Variants in VPS13B observed in about 807,000 individuals in gnomAD.
VPS13B encodes intermembrane lipid transfer protein VPS13B.
Under a neutral mutation model 426.4 loss-of-function variants are expected in VPS13B, and 285 were observed. That is an observed-to-expected ratio of 0.67 (90% CI 0.61 to 0.74). The LOEUF (loss-of-function observed/expected upper bound fraction) is 0.74, where lower values mean the gene tolerates loss of function less well. Among genes scored for constraint, VPS13B ranks in the 30% least tolerant of loss-of-function variants. The pLI, the probability that VPS13B is intolerant of heterozygous loss-of-function variation, is 0.00. For synonymous variants in VPS13B, 1,676 were observed against 1,676.4 expected (o/e 1.00, Z 0.01); for missense variants, 4,537 against 4,782.6 (o/e 0.95, Z 1.51).
chr8:99,322,677 A>C (rs1448459814), intron 19 of VPS13B, among the ~76,000 whole-genome samples: 2 of 152,228 alleles, frequency 1.3e-5, no homozygotes, highest in Non-Finnish European at 2.9e-5. Flanking sequence ...GGGAAGTATA[A>C]ACATGCAAAG....
intron 15 of VPS13B, among the ~76,000 whole-genome samples, chr8:99,164,305 T>C (rs180738131): frequency 6.6e-6 from 1 of 152,326 alleles, no homozygotes; most frequent in Admixed American, 6.5e-5. Flanking sequence ...GAAGCCATGT[T>C]GCCCAACTCC....
intron 17 of VPS13B, chr8:99,233,218 A>T (rs367840216): frequency 3.8e-6 from 5 of 1,306,084 alleles, no homozygotes; most frequent in South Asian, 3.5e-5. Context: ...ACGAGGCACA[A>T]TGATTTCTGC....
chr8:99,072,235 A>T (rs919272766), intron 3 of VPS13B, among the ~76,000 whole-genome samples: 2 of 152,136 alleles, frequency 1.3e-5, no homozygotes, highest in African/African-American at 4.8e-5. Flanking sequence ...ACCCACGGTG[A>T]GTACTACCTG....
rs531381868 is a variant in VPS13B at position 99,015,285 on chromosome 8, C to T, written c.147+1350C>T. 2.8e-5 allele frequency among the ~76,000 whole-genome samples: 4 copies of T among 144,544 alleles called. No homozygotes were observed. In the East Asian group the frequency reaches 6.2e-4, roughly 22 times the overall value. The allele number at this position is 144,544 out of a possible 152,430, so 94.8% of individuals were successfully genotyped here. A position where few individuals can be genotyped will look rare whatever the true frequency, so the allele number is the denominator to read the frequency against. On this transcript the variant is annotated intron_variant, in intron 2 of 61. Coordinates refer to ENST00000357162, the MANE Select transcript of VPS13B (RefSeq NM_152564.5). ...AGGCTGGAGTGCAGTGGCACGATCT[C>T]GGCTCACTGCAAGCTCCATCTCCCG...
chr8:99,246,650 G>C (rs1380999810), intron 17 of VPS13B, among the ~76,000 whole-genome samples: 1 of 152,142 alleles, frequency 6.6e-6, no homozygotes, highest in Non-Finnish European at 1.5e-5. Context: ...GGTGGATTAT[G>C]AGGTCAGGAG....
At chr8:99,746,446 T>G (rs1371136351) in intron 39 of VPS13B, among the ~76,000 whole-genome samples, 4 of 152,142 alleles carry the variant, frequency 2.6e-5, no homozygotes, top group South Asian at 4.1e-4. Flanking sequence ...CTCACAGGAT[T>G]TAAATTTAGT....
rs1363529527 is a variant in VPS13B, at chr8:99,495,893, C to A, written c.3871-5794C>A. Among the ~76,000 whole-genome samples the A allele has an allele frequency of 2.0e-5, 3 of 152,092 alleles. No individual in the cohort carries two copies. The South Asian group carries it at 6.2e-4, about 32-fold the overall frequency. ...TTGATTGATGAAAAGGCGGTTGAGG[C>A]GTCTGGTGAGTAGTGCATGGCTAGG... On this transcript the variant is annotated intron_variant, in intron 25 of 61. Transcript: ENST00000357162.
intron 5 of VPS13B, among the ~76,000 whole-genome samples, chr8:99,109,263 T>C (rs1034141140): frequency 6.6e-6 from 1 of 152,180 alleles, no homozygotes; most frequent in African/African-American, 2.4e-5. Flanking sequence ...TGAAATATAG[T>C]TGCTGTTATA....
chr8:99,147,925 T>C lies in VPS13B; in HGVS notation c.1928T>C (p.Val643Ala). The C allele has an allele frequency of 6.2e-7, 1 of 1,613,830 alleles. No homozygotes were observed. Among genetic ancestry groups the C allele is most frequent in the Non-Finnish European group, 8.5e-7 (1 of 1,179,828 alleles). Reference sequence around the variant, plus strand: ...TATATTCCTACTCGACATACAAGTGTTACTCTCCTCAAATGTACCTGCACA... The same window carrying C: ...TATATTCCTACTCGACATACAAGTGCTACTCTCCTCAAATGTACCTGCACA... ...EEYIPTRHTS[V>A]TLLKCTCTIS... The change falls in exon 14 of 62, where the codon GTT becomes GCT. Residue 643 changes from valine to alanine, a missense_variant. Physicochemically the swap from Val to Ala is moderately conservative, Grantham distance 64. This residue lies in a region of VPS13B where 4,311 missense variants were observed against 4,474.3 expected (regional missense o/e 0.96). Transcript: ENST00000357162.
intron 5 of VPS13B, among the ~76,000 whole-genome samples, chr8:99,108,384 A>C (rs1483119814): frequency 6.6e-6 from 1 of 152,130 alleles, no homozygotes; most frequent in Non-Finnish European, 1.5e-5. Context: ...TCTTAGTCAT[A>C]AATTCTTTGC....
At chr8:99,244,046 A>C (rs1402425244) in intron 17 of VPS13B, among the ~76,000 whole-genome samples, 1 of 152,242 alleles carries the variant, frequency 6.6e-6, no homozygotes, top group Non-Finnish European at 1.5e-5. Context: ...TGGGCCAGAC[A>C]AAAGGGATTT....
chr8:99,528,003 A>C (rs567255339), intron 30 of VPS13B: 1 of 152,178 alleles, frequency 6.6e-6, no homozygotes, highest in Non-Finnish European at 1.5e-5. Context: ...TATGTTGTGC[A>C]ATATGCTGGT....
intron 43 of VPS13B, among the ~76,000 whole-genome samples, chr8:99,787,345 A>G (rs1812321791): frequency 6.6e-6 from 1 of 152,192 alleles, no homozygotes; most frequent in African/African-American, 2.4e-5. Context: ...ATTGAAAGTC[A>G]TAAAATGCTC....
At chr8:99,440,480 A>G (rs1222780999) in intron 22 of VPS13B, among the ~76,000 whole-genome samples, 1 of 152,146 alleles carries the variant, frequency 6.6e-6, no homozygotes, top group Non-Finnish European at 1.5e-5. Flanking sequence ...CATACAGTTT[A>G]ACAGTTATTT....
intron 34 of VPS13B, among the ~76,000 whole-genome samples, chr8:99,649,529 G>A (rs756035697): frequency 2.0e-5 from 3 of 150,882 alleles, no homozygotes; most frequent in Non-Finnish European, 4.4e-5. Flanking sequence ...TTCATTTCAG[G>A]TGTGTTTACC....
intron 19 of VPS13B, among the ~76,000 whole-genome samples, chr8:99,323,592 A>G (rs1166450897): frequency 6.6e-6 from 1 of 152,194 alleles, no homozygotes; most frequent in Non-Finnish European, 1.5e-5. Flanking sequence ...CTATTATATC[A>G]TGCCATCTCA....
At chr8:99,311,574 A>G (rs1231353538) in intron 19 of VPS13B, among the ~76,000 whole-genome samples, 1 of 152,170 alleles carries the variant, frequency 6.6e-6, no homozygotes, top group East Asian at 1.9e-4. Flanking sequence ...TTTGCTGAGG[A>G]GTGCTTTACT....
At position 99,832,556 on chromosome 8, in the gene VPS13B, A is replaced by C; in HGVS notation, c.9518A>C (p.Gln3173Pro). Residue 3173 changes from glutamine to proline, a missense_variant, in exon 52 of 62, where the codon CAG becomes CCG. By Grantham distance (76) the Gln-to-Pro change is moderately conservative. This residue lies in a region of VPS13B where 4,311 missense variants were observed against 4,474.3 expected (regional missense o/e 0.96). Coordinates refer to ENST00000357162, the MANE Select transcript of VPS13B (RefSeq NM_152564.5). The part of the protein sequence containing the change: ...FSPAPGADSS[Q>P]CWSLPAIVRP... ...CCTGCCCCAGGTGCTGACAGCTCAC[A>C]GTGCTGGAGCCTGCCAGCTATAGTT... The C allele has an allele frequency of 3.7e-6, 6 of 1,613,904 alleles. No homozygotes were observed. The highest frequency in any genetic ancestry group is 5.1e-6 in the Non-Finnish European group (6 of 1,179,966).
chr8:99,053,951 G>C (rs1325351307), intron 3 of VPS13B, among the ~76,000 whole-genome samples: 1 of 152,178 alleles, frequency 6.6e-6, no homozygotes, highest in Non-Finnish European at 1.5e-5. Flanking sequence ...TGATCCTCCT[G>C]CCTCGGCCTC....
Sources: gnomAD v4.1 joint callset for allele counts (sites outside exome capture counted in the v4.1 genomes callset) on GRCh38, gnomAD v4.1.1 for gene constraint, gnomAD v4.1.1 regional missense constraint, MANE v1.5 for transcripts, NCBI Gene and HGNC (gene_info 2026-07-23, HGNC 2026-07-21) for gene names.